The following MUC4 variants were observed in gnomAD, a reference collection of about 807,000 sequenced individuals.
The protein encoded by MUC4 is mucin-4.
A neutral mutation model predicts 257.9 loss-of-function variants in MUC4; 202 were observed. The observed-to-expected ratio is 0.78, with a 90% CI of 0.70 to 0.88. The LOEUF is 0.88. MUC4 is among the 40% of genes least tolerant of loss of function. The pLI is 0.00. For missense variants in MUC4, 5,976 were observed against 6,513.7 expected (o/e 0.92, Z 2.84); for synonymous variants, 2,351 against 2,757.1 (o/e 0.85, Z 4.62).
intron 23 of MUC4, among the ~76,000 whole-genome samples, chr3:195,749,381 A>G (rs1209761878): frequency 3.9e-5 from 6 of 152,244 alleles, no homozygotes; most frequent in Non-Finnish European, 8.8e-5. Flanking sequence ...TTTCCTGAAG[A>G]GCACATGCTT....
chr3:195,753,315 CT>C, intron 19 of MUC4, 85 bp from the exon 20 acceptor site: 2 of 1,384,978 alleles, frequency 1.4e-6, no homozygotes, highest in Non-Finnish European at 2.0e-6. Flanking sequence ...CCGGGACAGG[CT>C]TGCTTTCCCC....
intron 16 of MUC4, 118 bp downstream of exon 16, chr3:195,760,766 G>C: frequency 1.2e-6 from 1 of 824,822 alleles, no homozygotes; most frequent in Admixed American, 2.0e-5. Context: ...AGGAATGCCA[G>C]GAGTGGAAGA....
chr3:195,789,370 G>C lies in MUC4; in HGVS notation c.2210C>G (p.Ala737Gly). The part of the protein sequence containing the change: ...SGGTSLSKTG[A>G]LTLANSVVST... ...CACTACAGAGTTGGCCAGAGTAAGG[G>C]CACCTGTTTTGGAAAGTGACGTGCC... The change falls in exon 2 of 25, where the codon GCC becomes GGC. Residue 737 changes from alanine (A) to glycine (G), a missense_variant. This residue lies in a region of MUC4 where 1,583 missense variants were observed against 1,257.4 expected (regional missense o/e 1.26). Coordinates refer to ENST00000463781, the MANE Select transcript of MUC4 (RefSeq NM_018406.7). 6.2e-7 allele frequency: 1 copy of C among 1,613,934 alleles called. No individual in the cohort carries two copies. The highest frequency in any genetic ancestry group is 1.1e-5 in the South Asian group (1 of 91,076).
At chr3:195,753,302 G>T in intron 19 of MUC4, 72 bp from the exon 20 acceptor site, 1 of 1,466,212 alleles carries the variant, frequency 6.8e-7, no homozygotes, top group Non-Finnish European at 9.4e-7. Flanking sequence ...GTGGAAACCC[G>T]CTCCGGGACA....
chr3:195,790,204 G>C lies in MUC4; in HGVS notation c.1376C>G (p.Ala459Gly), dbSNP rs1460853871. 2 of 1,614,020 alleles carry C rather than the reference G, an allele frequency of 1.2e-6. No homozygotes were observed. Among genetic ancestry groups the C allele is most frequent in the Admixed American group, 3.3e-5 (2 of 60,022 alleles). Residue 459 changes from alanine to glycine, a missense_variant, in exon 2 of 25, where the codon GCA becomes GGA. Ala to Gly is a moderately conservative substitution (Grantham distance 60). This residue lies in a region of MUC4 where 1,583 missense variants were observed against 1,257.4 expected (regional missense o/e 1.26). Coordinates refer to ENST00000463781, the MANE Select transcript of MUC4 (RefSeq NM_018406.7). ...TAFHTQQSEGAETTGRPHERS... is the reference protein window; with the variant it reads ...TAFHTQQSEGGETTGRPHERS... ...CTCATGAGGCCGTCCTGTGGTCTCT[G>C]CACCTTCACTCTGCTGGGTGTGGAA...
rs1233603531 is a variant in MUC4 at position 195,749,017 on chromosome 3, C to T, written c.15919G>A (p.Gly5307Ser). 1 of 1,609,450 alleles carries T rather than the reference C, an allele frequency of 6.2e-7. No individual in the cohort carries two copies. Among genetic ancestry groups the T allele is most frequent in the African/African-American group, 1.3e-5 (1 of 74,656 alleles). ...TGGGGGCTGTAGACCAGGTCGTAGC[C>T]CTTGTAGCCATCGCATCTGAAGTAA... ...KAYFRCDGYK[G>S]YDLVYSPQSG... is the part of the protein sequence containing the mutation. Residue 5307 changes from glycine (G) to serine (S), a missense_variant, in exon 24 of 25, where the codon GGC (glycine) becomes AGC (serine). Around this residue, in one of 44 missense-constraint regions of MUC4, gnomAD observed 310 missense variants for 242.1 expected, o/e 1.28. Coordinates refer to ENST00000463781, the MANE Select transcript of MUC4 (RefSeq NM_018406.7).
In MUC4 at chr3:195,763,630, C is replaced by T; in HGVS notation, c.14056G>A (p.Gly4686Arg). 1.3e-6 allele frequency: 2 copies of T among 1,535,532 alleles called. No homozygotes were observed. The highest frequency in any genetic ancestry group is 1.8e-6 in the Non-Finnish European group (2 of 1,134,016). Residue 4686 changes from glycine (G) to arginine (R), a missense_variant, in exon 12 of 25, where the codon GGG becomes AGG. Coordinates refer to ENST00000463781, the MANE Select transcript of MUC4 (RefSeq NM_018406.7). ...YRPPQPAWMF[G>R]DPHITTLDGV... ...TCCAAGGTGGTGATGTGGGGGTCCC[C>T]GAACATCCAGGCTGGAAGGAAAAAA...
At chr3:195,767,916 C>CCACCAT (rs1340538408) in intron 7 of MUC4, among the ~76,000 whole-genome samples, 1 of 113,280 alleles carries the variant, frequency 8.8e-6, no homozygotes. Flanking sequence ...ATCACCATCG[C>CCACCAT]CACTGCCACC....
rs2641776 is a variant in MUC4 at position 195,788,746 on chromosome 3, G to C, written c.2834C>G (p.Thr945Ser). The C allele has an allele frequency of 0.93, 1,504,578 of 1,611,040 alleles. 703,422 individuals are homozygous for C. The highest frequency in any genetic ancestry group is 0.99 in the African/African-American group (73,241 of 74,068). The change falls in exon 2 of 25, where the codon ACT (threonine) becomes AGT (serine). Residue 945 changes from threonine (T) to serine (S), a missense_variant. Around this residue, in one of 44 missense-constraint regions of MUC4, gnomAD observed 1,583 missense variants for 1,257.4 expected, o/e 1.26. Transcript: ENST00000463781. Reference protein sequence around the residue: ...VPPTPPSITSTGLTSPQTETH... With the variant: ...VPPTPPSITSSGLTSPQTETH... ...CTCGGTTTGTGGAGATGTAAGCCCA[G>C]TGGATGTGATCGATGGAGGTGTGGG... is the stretch of plus-strand genomic sequence containing the variant.
At chr3:195,767,563 G>GCCACCACCATCA (rs1268854410) in intron 7 of MUC4, among the ~76,000 whole-genome samples, 14 of 20,280 alleles carry the variant, frequency 6.9e-4, no homozygotes, top group Non-Finnish European at 1.0e-3. Flanking sequence ...CATTACCATT[G>GCCACCACCATCA]CCACCACCAT....
intron 1 of MUC4, among the ~76,000 whole-genome samples, chr3:195,806,389 C>T (rs942919205): frequency 1.3e-5 from 2 of 152,178 alleles, no homozygotes; most frequent in African/African-American, 4.8e-5. Context: ...TCTGGCCATT[C>T]GAAATGCAGC....
At chr3:195,770,691 A>C in intron 5 of MUC4, 3 of 445,942 alleles carry the variant, frequency 6.7e-6, no homozygotes, top group East Asian at 4.7e-5. Context: ...CCCATGCCTA[A>C]TCTGCAGCTT....
In MUC4 at chr3:195,754,674, T is replaced by G. The variant is rs566823292; in HGVS notation, c.15169-302A>C. Among the ~76,000 whole-genome samples, 3 of 152,356 alleles carry G rather than the reference T, an allele frequency of 2.0e-5. No individual in the cohort carries two copies. In the East Asian group the frequency reaches 5.8e-4, roughly 29 times the overall value. The stretch of plus-strand genomic sequence containing the variant: ...ACTCTAGCTCTTTGCCTGAAATCCT[T>G]TCTAGAGTAAGATGGGGGATGCATG... On this transcript the variant is annotated intron_variant, in intron 18 of 24. Transcript: ENST00000463781.
In MUC4 at chr3:195,769,005, A is replaced by G; in HGVS notation, c.13529+17T>C. On this transcript the variant is annotated intron_variant, in intron 7 of 24. Transcript: ENST00000463781. ...TCCCTGCCAACTGCTCAGTGCTGAC[A>G]GCCCCTCCCATCCTACCTAGAGAAG... is the stretch of plus-strand genomic sequence containing the variant. The G allele has an allele frequency of 6.2e-7, 1 of 1,607,288 alleles. No individual in the cohort carries two copies. Among genetic ancestry groups the G allele is most frequent in the Non-Finnish European group, 8.5e-7 (1 of 1,174,784 alleles).
chr3:195,789,281 C>G lies in MUC4; in HGVS notation c.2299G>C (p.Ala767Pro). The G allele has an allele frequency of 6.2e-7, 1 of 1,613,920 alleles. No individual in the cohort carries two copies. Among genetic ancestry groups the G allele is most frequent in the Non-Finnish European group, 8.5e-7 (1 of 1,179,868 alleles). Residue 767 changes from alanine to proline, a missense_variant, in exon 2 of 25, where the codon GCA becomes CCA. By Grantham distance (27) the Ala-to-Pro change is conservative. Around this residue, in one of 44 missense-constraint regions of MUC4, gnomAD observed 1,583 missense variants for 1,257.4 expected, o/e 1.26. Coordinates refer to ENST00000463781, the MANE Select transcript of MUC4 (RefSeq NM_018406.7). The part of the protein sequence containing the change: ...SASASTSPDT[A>P]AAMTHTHQAE... ...TGGTGGGTATGGGTCATGGCTGCTG[C>G]TGTGTCAGGTGAGGTGCTGGCAGAG...
In MUC4 at chr3:195,748,977, C is replaced by G; in HGVS notation, c.15959G>C (p.Cys5320Ser). The change falls in exon 24 of 25, where the codon TGC (cysteine) becomes TCC (serine). Residue 5320 changes from cysteine (C) to serine (S), a missense_variant. This residue lies in a region of MUC4 where 310 missense variants were observed against 242.1 expected (regional missense o/e 1.28). Coordinates refer to ENST00000463781, the MANE Select transcript of MUC4 (RefSeq NM_018406.7). The part of the protein sequence containing the change: ...LVYSPQSGFT[C>S]VSPCSRGYCD... Reference sequence around the variant, plus strand: ...GTAGCCCCTACTGCACGGGGACACGCAGGTGAAGCCGCTCTGGGGGCTGTA... The same window carrying G: ...GTAGCCCCTACTGCACGGGGACACGGAGGTGAAGCCGCTCTGGGGGCTGTA... 6.2e-7 allele frequency: 1 copy of G among 1,609,848 alleles called. No homozygotes were observed. Among genetic ancestry groups the G allele is most frequent in the Non-Finnish European group, 8.5e-7 (1 of 1,178,026 alleles).
In MUC4 at chr3:195,754,313, A is replaced by G. The variant is rs777259942; in HGVS notation, c.15228T>C (p.Asp5076=). 5.6e-6 allele frequency: 9 copies of G among 1,613,256 alleles called. No homozygotes were observed. Among genetic ancestry groups the G allele is most frequent in the African/African-American group, 1.3e-5 (1 of 74,924 alleles). The change falls in exon 19 of 25, where the codon GAT becomes GAC. Residue 5076 remains aspartate (D), a synonymous_variant. Coordinates refer to ENST00000463781, the MANE Select transcript of MUC4 (RefSeq NM_018406.7). ...TCGGGAAGCACGGCTCCTCACAGGC[A>G]TCCTCGGAGCCCTCGCAGTAGCGGC... is the stretch of plus-strand genomic sequence containing the variant. ...TFGRYCEGSE[D]ACEEPCFPSV...
At chr3:195,767,868 C>CCACCATCAT (rs1721787269) in intron 7 of MUC4, among the ~76,000 whole-genome samples, 2 of 142,364 alleles carry the variant, frequency 1.4e-5, no homozygotes, top group African/African-American at 5.8e-5. Context: ...ACCCCCAACA[C>CCACCATCAT]CACCACCATC....
At position 195,764,086 on chromosome 3, in the gene MUC4, C is replaced by T. The variant is rs887165406; in HGVS notation, c.14003G>A (p.Arg4668Gln). 21 of 1,609,234 alleles carry T rather than the reference C, an allele frequency of 1.3e-5. No individual in the cohort carries two copies. Among genetic ancestry groups the T allele is most frequent in the African/African-American group, 9.3e-5 (7 of 74,884 alleles). ...GTATGTAGCACAGCCCACGTGGGGC[C>T]GCCTCTGCTGGTACAGGGCACAGAG... is the stretch of plus-strand genomic sequence containing the variant. ...PYLCALYQQR[R>Q]PHVGCATYRP... The change falls in exon 11 of 25, where the codon CGG becomes CAG. Residue 4668 changes from arginine to glutamine, a missense_variant. By Grantham distance (43) the Arg-to-Gln change is conservative. Coordinates refer to ENST00000463781, the MANE Select transcript of MUC4 (RefSeq NM_018406.7).
Sources: allele counts gnomAD v4.1 joint callset (sites outside exome capture counted in the v4.1 genomes callset), GRCh38; gene constraint gnomAD v4.1.1; regional missense constraint gnomAD v4.1.1; transcripts MANE v1.5; gene names NCBI Gene and HGNC (gene_info 2026-07-23, HGNC 2026-07-21).